The following NUTM2G variants were observed in gnomAD, a reference collection of about 807,000 sequenced individuals.
The protein encoded by NUTM2G is NUT family member 2G.
NUTM2G carries 29 observed loss-of-function variants against 44.3 expected under a neutral mutation model. That is an observed-to-expected ratio of 0.66 (90% CI 0.49 to 0.89). The LOEUF (loss-of-function observed/expected upper bound fraction) is 0.89. Among genes scored for constraint, NUTM2G ranks in the 40% least tolerant of loss-of-function variants. The probability of loss-of-function intolerance (pLI) is 0.00; values close to 1 mark genes in which losing one functional copy is unlikely to be tolerated. For missense variants in NUTM2G, 502 were observed against 946.5 expected, an observed-to-expected ratio of 0.53 and a Z score of 6.16; for synonymous variants, 205 against 395.9, an observed-to-expected ratio of 0.52 and a Z score of 5.72.
At chr9:96,936,395 C>T (rs1380635389) in intron 3 of NUTM2G, 30 bp from the exon 4 acceptor site, 3 of 1,561,984 alleles carry the variant, frequency 1.9e-6, no homozygotes, top group Admixed American at 3.7e-5. Context: ...TGGACCCTCT[C>T]AGCACAGCCT....
chr9:96,936,370 T>C (rs1826428218), intron 3 of NUTM2G, 55 bp from the exon 4 acceptor site: 6 of 1,544,054 alleles, frequency 3.9e-6, no homozygotes, highest in Admixed American at 1.9e-5. Context: ...TGCCTGGTCC[T>C]GGGGGGAGGG....
chr9:96,931,746 T>C lies in NUTM2G; in HGVS notation c.41T>C (p.Val14Ala), dbSNP rs1228296471. The change falls in exon 2 of 7, where the codon GTG becomes GCG. Residue 14 changes from valine (V) to alanine (A), a missense_variant. By Grantham distance (64) the Val-to-Ala change is moderately conservative. Coordinates refer to ENST00000372322, the MANE Select transcript of NUTM2G (RefSeq NM_001170741.3). The stretch of plus-strand genomic sequence containing the variant: ...GCATACCCAGTGCTGGGACCCGGCG[T>C]GACCGTGAACCCTGGCACCTCCCTG... ...NGAYPVLGPG[V>A]TVNPGTSLSV... 1.9e-6 allele frequency: 3 copies of C among 1,611,404 alleles called. No individual in the cohort carries two copies. Among genetic ancestry groups the C allele is most frequent in the Non-Finnish European group, 1.7e-6 (2 of 1,179,862 alleles).
intron 3 of NUTM2G, among the ~76,000 whole-genome samples, chr9:96,935,919 C>T (rs1826416787): frequency 6.6e-6 from 1 of 151,512 alleles, no homozygotes; most frequent in South Asian, 2.1e-4. Flanking sequence ...GGCCTGACTG[C>T]CTTTGCTCCT....
intron 2 of NUTM2G, among the ~76,000 whole-genome samples, chr9:96,933,168 C>T (rs1479630973): frequency 2.7e-5 from 4 of 148,204 alleles, no homozygotes; most frequent in Admixed American, 6.8e-5. Context: ...TTAGTAGAGA[C>T]GGGGTTTCAC....
intron 2 of NUTM2G, 127 bp from the exon 3 acceptor site, chr9:96,935,201 G>C (rs1489644346): frequency 1.4e-6 from 2 of 1,479,494 alleles, no homozygotes; most frequent in South Asian, 1.2e-5. Flanking sequence ...GAGCCCACAT[G>C]GGGGAGAACA....
chr9:96,935,486 G>A lies in NUTM2G; in HGVS notation c.842+30G>A, dbSNP rs563551071. 125 of 1,611,930 alleles carry A rather than the reference G, an allele frequency of 7.8e-5. No individual in the cohort carries two copies. The Admixed American group carries it at 1.8e-3, about 24-fold the overall frequency. ...GTCTGGGGTCCTGGGGGCAGGGCCC[G>A]TGTGGCGGGGTGAGAGTGAATGACA... On this transcript the variant is annotated intron_variant, in intron 3 of 6. Transcript: ENST00000372322.
intron 2 of NUTM2G, among the ~76,000 whole-genome samples, chr9:96,934,114 A>T (rs1274538641): frequency 6.6e-6 from 1 of 152,082 alleles, no homozygotes; most frequent in Non-Finnish European, 1.5e-5. Context: ...GGCTCCAGTG[A>T]TAGCTCTGAG....
In NUTM2G at chr9:96,929,043, G is replaced by A. The variant is rs548239655; in HGVS notation, c.16+3G>A. On this transcript the variant is annotated splice_donor_region_variant and intron_variant, in intron 1 of 6. Coordinates refer to ENST00000372322, the MANE Select transcript of NUTM2G (RefSeq NM_001170741.3). Reference sequence around the variant, plus strand: ...TGAGGGGATGGCTTCAAATGGAGGTGAGCCTGTAGGGATGGGGCATTATCC... The same window carrying A: ...TGAGGGGATGGCTTCAAATGGAGGTAAGCCTGTAGGGATGGGGCATTATCC... The A allele has an allele frequency of 8.1e-6, 13 of 1,610,800 alleles. No homozygotes were observed. Among genetic ancestry groups the A allele is most frequent in the East Asian group, 4.5e-5 (2 of 44,150 alleles).
At chr9:96,937,811 A>G in intron 5 of NUTM2G, 74 bp from the exon 6 acceptor site, 3 of 1,596,040 alleles carry the variant, frequency 1.9e-6, no homozygotes, top group Non-Finnish European at 2.6e-6. Flanking sequence ...TGCTTTCTGC[A>G]TCTCCTCCGG....
In NUTM2G at chr9:96,937,593, T is replaced by G. The variant is rs186697081; in HGVS notation, c.1323+189T>G. On this transcript the variant is annotated intron_variant, in intron 5 of 6. Coordinates refer to ENST00000372322, the MANE Select transcript of NUTM2G (RefSeq NM_001170741.3). ...GTGTCTGTGATTTGTTACTGTGTCT[T>G]TGTGTGTCTGTGTGGGTGTGGGTGT... Among the ~76,000 whole-genome samples the G allele has an allele frequency of 1.1e-3, 165 of 152,214 alleles. 1 individual carries two copies. Among genetic ancestry groups the G allele is most frequent in the Non-Finnish European group, 4.0e-4 (27 of 68,004 alleles).
At chr9:96,935,092 T>C (rs1221180670) in intron 2 of NUTM2G, among the ~76,000 whole-genome samples, 1 of 152,172 alleles carries the variant, frequency 6.6e-6, no homozygotes, top group Non-Finnish European at 1.5e-5. Context: ...TGAGTTCACT[T>C]GTCAACATCA....
chr9:96,931,137 C>A (rs1274347086), intron 1 of NUTM2G, among the ~76,000 whole-genome samples: 1 of 152,078 alleles, frequency 6.6e-6, no homozygotes, highest in Admixed American at 6.5e-5. Context: ...ATCCACCCGC[C>A]TGGGCCTCCC....
At chr9:96,937,548 C>G in intron 5 of NUTM2G, 144 bp downstream of exon 5, 1 of 789,842 alleles carries the variant, frequency 1.3e-6, no homozygotes, top group African/African-American at 1.7e-5. Context: ...CTGTGTGTGT[C>G]TGTGTGTTGC....
rs1826533237 is a variant in NUTM2G, at chr9:96,938,829, C to A, written c.1906C>A (p.Pro636Thr). The A allele has an allele frequency of 3.2e-6, 5 of 1,542,590 alleles. No individual in the cohort carries two copies. The highest frequency in any genetic ancestry group is 4.4e-6 in the Non-Finnish European group (5 of 1,147,318). ...CGTGGGTTCCCACCACAGGCTGAGG[C>A]CCTGGAGGCTGTCCCAGAGCCCTGT... ...YVVGSHHRLR[P>T]WRLSQSPVPS... The change falls in exon 7 of 7, where the codon CCC (proline) becomes ACC (threonine). Residue 636 changes from proline to threonine, a missense_variant. Pro to Thr is a conservative substitution (Grantham distance 38). Coordinates refer to ENST00000372322, the MANE Select transcript of NUTM2G (RefSeq NM_001170741.3).
Position 96,938,999 on chromosome 9 carries a change from T to C in NUTM2G, c.2076T>C (p.Pro692=). 1.3e-6 allele frequency: 2 copies of C among 1,504,288 alleles called. No individual in the cohort carries two copies. Among genetic ancestry groups the C allele is most frequent in the South Asian group, 2.5e-5 (2 of 81,100 alleles). 93.2% of individuals were successfully genotyped at this position (1,504,288 alleles called of 1,614,324 possible). A position where few individuals can be genotyped will look rare whatever the true frequency, so the allele number is the denominator to read the frequency against. The change falls in exon 7 of 7, where the codon CCT becomes CCC. Residue 692 remains proline, a synonymous_variant. Coordinates refer to ENST00000372322, the MANE Select transcript of NUTM2G (RefSeq NM_001170741.3). ...GACCTCTCTTTGGAAGCCCATCCCC[T>C]GCTGAAAAGACACCGCACCCAGGGC... is the stretch of plus-strand genomic sequence containing the variant. The part of the protein sequence containing the change: ...KKRPLFGSPS[P]AEKTPHPGPG...
At chr9:96,930,523 CAAA>C (rs557379276) in intron 1 of NUTM2G, among the ~76,000 whole-genome samples, 3 of 61,616 alleles carry the variant, frequency 4.9e-5, no homozygotes, top group Non-Finnish European at 6.6e-5. Context: ...GACTCCGTCT[CAAA>C]AAAAAAAAAA....
downstream of NUTM2G, among the ~76,000 whole-genome samples, chr9:96,940,821 G>A (rs1196445608): frequency 1.3e-5 from 2 of 152,282 alleles, no homozygotes; most frequent in East Asian, 1.9e-4. Flanking sequence ...CAGTCAGCCA[G>A]ACAGATGCCT....
intron 2 of NUTM2G, among the ~76,000 whole-genome samples, chr9:96,932,792 A>G (rs1826307799): frequency 6.6e-6 from 1 of 151,052 alleles, no homozygotes. Flanking sequence ...AGTTGGGATT[A>G]CAGGCATGTG....
chr9:96,929,165 A>G (rs71231905), intron 1 of NUTM2G, 125 bp downstream of exon 1: 42 of 1,486,284 alleles, frequency 2.8e-5, no homozygotes, highest in Admixed American at 3.4e-5. Context: ...GATGTCCCCA[A>G]GGACATCACA....
Sources: gnomAD v4.1 joint callset for allele counts (sites outside exome capture counted in the v4.1 genomes callset) on GRCh38, gnomAD v4.1.1 for gene constraint, MANE v1.5 for transcripts, NCBI Gene and HGNC (gene_info 2026-07-23, HGNC 2026-07-21) for gene names.